The following ZDHHC15 variants were observed in gnomAD, a reference collection of about 807,000 sequenced individuals.
ZDHHC15 encodes the protein palmitoyltransferase ZDHHC15.
A neutral mutation model predicts 31.7 loss-of-function variants in ZDHHC15; 19 were observed. The ratio of observed to expected loss-of-function variants is 0.60; its 90% confidence interval spans 0.42 to 0.88. ZDHHC15 has a LOEUF of 0.88. Among genes scored for constraint, ZDHHC15 ranks in the 40% least tolerant of loss-of-function variants. The pLI, the probability that ZDHHC15 is intolerant of heterozygous loss-of-function variation, is 0.00. For missense variants in ZDHHC15, 209 were observed against 251.2 expected (o/e 0.83, Z 1.14); for synonymous variants, 103 against 90.0 (o/e 1.14, Z -0.82).
At chrX:75,422,911 T>C (rs991525773) in intron 8 of ZDHHC15, among the ~76,000 whole-genome samples, 21 of 106,163 alleles carry the variant, frequency 2.0e-4, no homozygotes, top group African/African-American at 3.4e-4. Flanking sequence ...CCCACTAACT[T>C]GTCATCTAGC....
intron 10 of ZDHHC15, among the ~76,000 whole-genome samples, chrX:75,399,945 G>A (rs1353052487): frequency 9.0e-6 from 1 of 111,464 alleles, no homozygotes; most frequent in Non-Finnish European, 1.9e-5. Flanking sequence ...CCTCAGCCCA[G>A]TGAAAACATC....
intron 1 of ZDHHC15, among the ~76,000 whole-genome samples, chrX:75,514,639 A>G (rs1421286361): frequency 2.0e-4 from 22 of 111,761 alleles, no homozygotes; most frequent in Non-Finnish European, 4.1e-4. Context: ...TTTCCTGGCC[A>G]TGGGAAACTA....
intron 3 of ZDHHC15, among the ~76,000 whole-genome samples, chrX:75,463,255 A>G (rs2084348363): frequency 9.0e-6 from 1 of 111,542 alleles, no homozygotes; most frequent in African/African-American, 3.3e-5. Context: ...AATTTGAGGC[A>G]GTAATAAACA....
At chrX:75,417,403 C>T (rs1036530029) in intron 9 of ZDHHC15, among the ~76,000 whole-genome samples, 4 of 111,746 alleles carry the variant, frequency 3.6e-5, no homozygotes, top group African/African-American at 1.3e-4. Context: ...GTGTTAACTT[C>T]TTGTTTGTAA....
chrX:75,491,178 G>T (rs1056751296), intron 2 of ZDHHC15, among the ~76,000 whole-genome samples: 1 of 110,610 alleles, frequency 9.0e-6, no homozygotes, highest in South Asian at 3.9e-4. Flanking sequence ...CATGAAAATG[G>T]ATGTTTACTG....
chrX:75,464,077 C>T (rs1247035803), intron 3 of ZDHHC15, among the ~76,000 whole-genome samples: 2 of 112,046 alleles, frequency 1.8e-5, no homozygotes, highest in Admixed American at 9.5e-5. Context: ...AAATGTGGCA[C>T]ATATACACCA....
In ZDHHC15 at chrX:75,369,030, ACC is replaced by A. The variant is rs1177042405; in HGVS notation, c.*3946_*3947del. ...AATGCAGATGTACCATACCTCATCA[ACC>A]AATTCCTAACGAGATGGAACTCATT... is the stretch of plus-strand genomic sequence containing the variant. On this transcript the variant is annotated 3_prime_UTR_variant, in exon 12 of 12. Transcript: ENST00000373367. 9.0e-6 allele frequency: 1 copy of A among 111,518 alleles called. No homozygotes were observed. Among genetic ancestry groups the A allele is most frequent in the Non-Finnish European group, 1.9e-5 (1 of 53,118 alleles). The allele number at this position is 111,518 out of a possible 1,213,427, so 9.2% of individuals were successfully genotyped here. A position where few individuals can be genotyped will look rare whatever the true frequency, so the allele number is the denominator to read the frequency against.
chrX:75,502,282 A>G (rs909723739), intron 2 of ZDHHC15: 1 of 111,468 alleles, frequency 9.0e-6, no homozygotes, highest in African/African-American at 3.3e-5. Flanking sequence ...TAAGGACATC[A>G]GACTGGATTA....
chrX:75,378,177 C>G (rs1243090353), intron 11 of ZDHHC15, among the ~76,000 whole-genome samples: 2 of 110,782 alleles, frequency 1.8e-5, no homozygotes, highest in African/African-American at 6.5e-5. Context: ...TCAGATAGAC[C>G]TGAGTTACAA....
chrX:75,496,120 C>T (rs1187978854), intron 2 of ZDHHC15, among the ~76,000 whole-genome samples: 1 of 110,417 alleles, frequency 9.1e-6, no homozygotes, highest in East Asian at 2.8e-4. Context: ...TCACCTAAGA[C>T]ATATGGACTC....
At chrX:75,377,645 G>A (rs1471925749) in intron 11 of ZDHHC15, among the ~76,000 whole-genome samples, 2 of 110,765 alleles carry the variant, frequency 1.8e-5, no homozygotes, top group African/African-American at 3.3e-5. Flanking sequence ...TATAAAAAAT[G>A]CATTTCAAAG....
intron 11 of ZDHHC15, among the ~76,000 whole-genome samples, chrX:75,375,101 T>C (rs1468044378): frequency 2.7e-5 from 3 of 111,633 alleles, no homozygotes; most frequent in Non-Finnish European, 5.6e-5. Context: ...GCTAGTTTCT[T>C]TGAATTAAAA....
rs778221602 is a variant in ZDHHC15 at position 75,424,597 on chromosome X, G to T, written c.736+55C>A. ...AAGTTTTAATTGGGAACAATTCACA[G>T]GTCCCTCTGATACACATTAATATGT... On this transcript the variant is annotated intron_variant, in intron 8 of 11. Coordinates refer to ENST00000373367, the MANE Select transcript of ZDHHC15 (RefSeq NM_144969.3). The T allele has an allele frequency of 6.4e-6, 7 of 1,100,782 alleles. No homozygotes were observed. The South Asian group carries it at 1.5e-4, about 24-fold the overall frequency. The allele number at this position is 1,100,782 out of a possible 1,213,427, so 90.7% of individuals were successfully genotyped here.
intron 9 of ZDHHC15, among the ~76,000 whole-genome samples, chrX:75,419,969 G>C (rs1479384143): frequency 1.4e-5 from 1 of 72,193 alleles, no homozygotes; most frequent in Non-Finnish European, 2.5e-5. Context: ...GGAGGGGGGA[G>C]GGATAGCATT....
chrX:75,376,262 T>A (rs1419650786), intron 11 of ZDHHC15, among the ~76,000 whole-genome samples: 29 of 108,947 alleles, frequency 2.7e-4, no homozygotes, highest in African/African-American at 8.9e-4. Flanking sequence ...GGGGTTGTTT[T>A]TTTTTTTTTG....
At chrX:75,380,124 A>T (rs1235869639) in intron 10 of ZDHHC15, among the ~76,000 whole-genome samples, 1 of 112,260 alleles carries the variant, frequency 8.9e-6, no homozygotes, top group Non-Finnish European at 1.9e-5. Flanking sequence ...GTTTGGGCAG[A>T]AAGCAAATGT....
chrX:75,498,305 C>T (rs574368935), intron 2 of ZDHHC15, among the ~76,000 whole-genome samples: 1 of 110,469 alleles, frequency 9.1e-6, no homozygotes, highest in South Asian at 3.9e-4. Flanking sequence ...GAGAAAGAAA[C>T]TGGTAAAGAG....
At chrX:75,418,608 G>A (rs2083577460) in intron 9 of ZDHHC15, among the ~76,000 whole-genome samples, 1 of 111,862 alleles carries the variant, frequency 8.9e-6, no homozygotes, top group African/African-American at 3.2e-5. Flanking sequence ...GTACTGATAT[G>A]AAGACAGATA....
At chrX:75,416,282 T>C (rs1451855180) in intron 10 of ZDHHC15, among the ~76,000 whole-genome samples, 1 of 111,877 alleles carries the variant, frequency 8.9e-6, no homozygotes, top group Non-Finnish European at 1.9e-5. Flanking sequence ...TTCAATACTT[T>C]TCCATGTCTT....
Sources: allele counts gnomAD v4.1 joint callset (sites outside exome capture counted in the v4.1 genomes callset), GRCh38; gene constraint gnomAD v4.1.1; transcripts MANE v1.5; gene names NCBI Gene and HGNC (gene_info 2026-07-23, HGNC 2026-07-21).